The following SLC35F4 variants were observed in gnomAD, a reference collection of about 807,000 sequenced individuals.
The protein encoded by SLC35F4 is solute carrier family 35 member F4.
In SLC35F4, 24 loss-of-function variants were observed where a neutral mutation model predicts 44.2. That is an observed-to-expected ratio of 0.54 (90% CI 0.39 to 0.76). SLC35F4 has a LOEUF of 0.76. Ranked by LOEUF, SLC35F4 falls within the 30% of genes least tolerant of loss-of-function variation. The pLI is 0.00. For synonymous variants in SLC35F4, 238 were observed against 223.6 expected (o/e 1.06, Z -0.57); for missense variants, 562 against 586.1 (o/e 0.96, Z 0.42).
At chr14:57,720,951 G>A (rs1008998334) in intron 1 of SLC35F4, among the ~76,000 whole-genome samples, 7 of 142,124 alleles carry the variant, frequency 4.9e-5, no homozygotes, top group South Asian at 2.3e-4. Context: ...TTGTGTGACC[G>A]TGTGATTGTG....
chr14:57,744,229 A>C (rs192643079), intron 1 of SLC35F4, among the ~76,000 whole-genome samples: 80 of 152,340 alleles, frequency 5.3e-4, no homozygotes, highest in African/African-American at 1.8e-3. Context: ...TGGCCAGGGT[A>C]ATCAGGCAGG....
intron 1 of SLC35F4, among the ~76,000 whole-genome samples, chr14:57,927,656 A>G (rs940357734): frequency 2.6e-5 from 4 of 151,616 alleles, no homozygotes; most frequent in Non-Finnish European, 5.9e-5. Context: ...ACATCCAGCT[A>G]ATTTTTGTGT....
chr14:57,638,285 G>A (rs1425958402), intron 1 of SLC35F4, among the ~76,000 whole-genome samples: 1 of 152,034 alleles, frequency 6.6e-6, no homozygotes, highest in African/African-American at 2.4e-5. Flanking sequence ...GTTCTGGCTG[G>A]TTTACAGAGG....
chr14:57,681,892 A>G (rs2074917241), intron 1 of SLC35F4, among the ~76,000 whole-genome samples: 1 of 151,432 alleles, frequency 6.6e-6, no homozygotes, highest in Non-Finnish European at 1.5e-5. Flanking sequence ...ACATAGGAAA[A>G]AAAGCTCATC....
At chr14:57,724,417 A>G (rs1167388915) in intron 1 of SLC35F4, among the ~76,000 whole-genome samples, 1 of 152,186 alleles carries the variant, frequency 6.6e-6, no homozygotes, top group African/African-American at 2.4e-5. Flanking sequence ...GTTTTGGTGG[A>G]AACTGAACGT....
At chr14:57,593,041 G>C (rs2070287505) in intron 2 of SLC35F4, among the ~76,000 whole-genome samples, 1 of 152,188 alleles carries the variant, frequency 6.6e-6, no homozygotes, top group Non-Finnish European at 1.5e-5. Context: ...GCTAAAATTG[G>C]AAAGGTAGAA....
At chr14:57,851,410 T>C (rs994681896) in intron 1 of SLC35F4, among the ~76,000 whole-genome samples, 4 of 152,328 alleles carry the variant, frequency 2.6e-5, no homozygotes, top group East Asian at 3.9e-4. Flanking sequence ...GAGTAGTTCA[T>C]AGATCAGATT....
intron 1 of SLC35F4, among the ~76,000 whole-genome samples, chr14:57,608,973 A>T (rs1171612466): frequency 6.6e-6 from 1 of 152,178 alleles, no homozygotes; most frequent in Non-Finnish European, 1.5e-5. Context: ...ATTGAGAAAC[A>T]AGTGGGAGAT....
At chr14:57,758,478 TC>T (rs1745868440) in intron 1 of SLC35F4, among the ~76,000 whole-genome samples, 1 of 152,120 alleles carries the variant, frequency 6.6e-6, no homozygotes, top group African/African-American at 2.4e-5. Flanking sequence ...ATGTTTTTTA[TC>T]CCAGATATTA....
chr14:57,677,946 T>TAA (rs1315807418), intron 1 of SLC35F4, among the ~76,000 whole-genome samples: 1 of 151,946 alleles, frequency 6.6e-6, no homozygotes, highest in Non-Finnish European at 1.5e-5. Context: ...AACTAAAATA[T>TAA]AAATAAGATG....
chr14:57,639,114 C>A (rs1169987228), intron 1 of SLC35F4, among the ~76,000 whole-genome samples: 6 of 152,078 alleles, frequency 3.9e-5, no homozygotes, highest in African/African-American at 7.2e-5. Context: ...GGCTGATGAA[C>A]TTTGACCTAA....
At chr14:57,588,206 A>G (rs754388381) in intron 3 of SLC35F4, among the ~76,000 whole-genome samples, 8 of 152,234 alleles carry the variant, frequency 5.3e-5, no homozygotes, top group Non-Finnish European at 8.8e-5. Flanking sequence ...TTCAAAGTTA[A>G]GTTTATAAGA....
At chr14:57,722,842 A>G (rs950383710) in intron 1 of SLC35F4, among the ~76,000 whole-genome samples, 5 of 152,192 alleles carry the variant, frequency 3.3e-5, no homozygotes, top group Admixed American at 6.5e-5. Context: ...ACAGAGAATC[A>G]TGGACCCTCA....
chr14:57,668,153 T>G (rs189051239), intron 1 of SLC35F4, among the ~76,000 whole-genome samples: 14 of 149,336 alleles, frequency 9.4e-5, no homozygotes, highest in Non-Finnish European at 2.1e-4. Flanking sequence ...TGTCTGTTCA[T>G]ATCCTTTGCC....
At chr14:57,619,827 C>G (rs756906344) in intron 1 of SLC35F4, among the ~76,000 whole-genome samples, 1 of 151,980 alleles carries the variant, frequency 6.6e-6, no homozygotes, top group Non-Finnish European at 1.5e-5. Context: ...AGTAGAATAA[C>G]CAGTTCAGAG....
intron 1 of SLC35F4, among the ~76,000 whole-genome samples, chr14:57,662,793 C>G (rs1747201413): frequency 6.6e-6 from 1 of 152,182 alleles, no homozygotes; most frequent in Non-Finnish European, 1.5e-5. Context: ...CACTCATTCT[C>G]CATCCTTTTC....
chr14:57,902,777 C>T (rs1889029948), intron 1 of SLC35F4, among the ~76,000 whole-genome samples: 1 of 151,986 alleles, frequency 6.6e-6, no homozygotes, highest in South Asian at 2.1e-4. Flanking sequence ...TGCTGTAATC[C>T]CCTACTTACT....
In SLC35F4 at chr14:57,778,103, G is replaced by A. The variant is rs115211829; in HGVS notation, c.103+87620C>T. Reference sequence around the variant, plus strand: ...TCATGTTAGTAAATGAGTCTAACAAGATCTGATGGTTTTTAAAAAAAGGAA... The same window carrying A: ...TCATGTTAGTAAATGAGTCTAACAAAATCTGATGGTTTTTAAAAAAAGGAA... On this transcript the variant is annotated intron_variant, in intron 1 of 7. Coordinates refer to ENST00000556826, the MANE Select transcript of SLC35F4 (RefSeq NM_001306087.2). Among the ~76,000 whole-genome samples, 474 of 152,242 alleles carry A rather than the reference G, an allele frequency of 3.1e-3. 1 individual carries two copies. The highest frequency in any genetic ancestry group is 0.011 in the African/African-American group (462 of 41,546).
At chr14:57,650,581 T>TAATG (rs1387038200) in intron 1 of SLC35F4, among the ~76,000 whole-genome samples, 2 of 152,178 alleles carry the variant, frequency 1.3e-5, no homozygotes, top group African/African-American at 2.4e-5. Context: ...GATAATCTGC[T>TAATG]AATGGGTCTC....
Sources: allele counts gnomAD v4.1 joint callset (sites outside exome capture counted in the v4.1 genomes callset), GRCh38; gene constraint gnomAD v4.1.1; transcripts MANE v1.5; gene names NCBI Gene and HGNC (gene_info 2026-07-23, HGNC 2026-07-21).